Variants in GDPD5 observed in about 807,000 individuals in gnomAD.
The protein encoded by GDPD5 is glycerophosphodiester phosphodiesterase domain containing 5, also known as glycerophosphodiester phosphodiesterase 2.
In GDPD5, 48 loss-of-function variants were observed where a neutral mutation model predicts 75.1. The observed-to-expected ratio is 0.64, with a 90% CI of 0.51 to 0.81. The LOEUF (loss-of-function observed/expected upper bound fraction) is 0.81, where lower values mean the gene tolerates loss of function less well. GDPD5 is among the 40% of genes least tolerant of loss of function. GDPD5 has a pLI of 0.00. For missense variants in GDPD5, 706 were observed against 822.6 expected (o/e 0.86, Z 1.73); for synonymous variants, 336 against 339.0 (o/e 0.99, Z 0.10).
At chr11:75,495,223 C>T (rs912278308) in intron 1 of GDPD5, among the ~76,000 whole-genome samples, 7 of 151,538 alleles carry the variant, frequency 4.6e-5, no homozygotes, top group South Asian at 2.1e-4. Flanking sequence ...GCCAAGATTA[C>T]GCCCACTGCA....
At chr11:75,446,760 C>G (rs1258851072) in intron 9 of GDPD5, among the ~76,000 whole-genome samples, 1 of 152,150 alleles carries the variant, frequency 6.6e-6, no homozygotes, top group Non-Finnish European at 1.5e-5. Flanking sequence ...AGAGGGGACC[C>G]TTGCCAGCCC....
chr11:75,499,627 C>T (rs1950270747), intron 1 of GDPD5, among the ~76,000 whole-genome samples: 1 of 152,128 alleles, frequency 6.6e-6, no homozygotes, highest in Admixed American at 6.5e-5. Flanking sequence ...AGCTGATAGG[C>T]TTGGCTCCAT....
At chr11:75,441,132 C>G (rs1037740359) in intron 14 of GDPD5, 31 bp downstream of exon 14, 1 of 1,607,284 alleles carries the variant, frequency 6.2e-7, no homozygotes, top group African/African-American at 1.3e-5. Flanking sequence ...TCCAGCACTG[C>G]CCCCCAGGGG....
At chr11:75,458,673 A>AAATAAATAAAT in intron 4 of GDPD5, among the ~76,000 whole-genome samples, 1 of 147,324 alleles carries the variant, frequency 6.8e-6, no homozygotes, top group Non-Finnish European at 1.5e-5. Flanking sequence ...CTCTGTCTCA[A>AAATAAATAAAT]AAATAAATAA....
intron 1 of GDPD5, among the ~76,000 whole-genome samples, chr11:75,500,525 T>G (rs1950287332): frequency 6.6e-6 from 1 of 152,160 alleles, no homozygotes; most frequent in South Asian, 2.1e-4. Flanking sequence ...GCCTGAATGC[T>G]GCTGCTCTCA....
chr11:75,449,082 C>G lies in GDPD5; in HGVS notation c.609G>C (p.Val203=), dbSNP rs1177883044. ...VTILCTFFTV[V]FALYLAPLTI... is the part of the protein sequence containing the mutation. ...TGAGAGGGGCCAGGTAGAGGGCAAA[C>G]ACCACGGTGAAGAAGGTACAGAGAA... Residue 203 remains valine (V), a synonymous_variant, in exon 9 of 17, where the codon GTG becomes GTC. Transcript: ENST00000336898. The G allele has an allele frequency of 6.2e-7, 1 of 1,605,450 alleles. No homozygotes were observed. Among genetic ancestry groups the G allele is most frequent in the Non-Finnish European group, 8.5e-7 (1 of 1,176,604 alleles).
intron 1 of GDPD5, among the ~76,000 whole-genome samples, chr11:75,501,005 G>A (rs752915856): frequency 3.3e-5 from 5 of 152,214 alleles, no homozygotes; most frequent in Non-Finnish European, 5.9e-5. Flanking sequence ...AGCCACGCTA[G>A]TGTCCAACTG....
intron 1 of GDPD5, among the ~76,000 whole-genome samples, chr11:75,491,285 G>A (rs1251408186): frequency 1.3e-5 from 2 of 152,218 alleles, no homozygotes; most frequent in Admixed American, 6.5e-5. Flanking sequence ...ACAGTGCCCT[G>A]AATGTACAGC....
At chr11:75,478,401 C>T (rs189681102) in intron 2 of GDPD5, among the ~76,000 whole-genome samples, 18 of 152,352 alleles carry the variant, frequency 1.2e-4, no homozygotes, top group Admixed American at 6.5e-4. Context: ...CTGCCTCAGC[C>T]TCCCAAAGTG....
At chr11:75,466,764 G>A (rs370318502) in intron 3 of GDPD5, among the ~76,000 whole-genome samples, 4 of 152,160 alleles carry the variant, frequency 2.6e-5, no homozygotes, top group African/African-American at 9.7e-5. Flanking sequence ...CATGGCGGGC[G>A]GGTGTGTCCT....
intron 4 of GDPD5, among the ~76,000 whole-genome samples, chr11:75,458,840 G>A (rs1432892091): frequency 6.6e-6 from 1 of 152,094 alleles, no homozygotes; most frequent in Non-Finnish European, 1.5e-5. Context: ...TGGAGTGCAG[G>A]GATGCGAACA....
chr11:75,471,029 C>T (rs1014703909), intron 3 of GDPD5, among the ~76,000 whole-genome samples: 5 of 152,214 alleles, frequency 3.3e-5, no homozygotes, highest in Admixed American at 2.6e-4. Context: ...AGCACACGGT[C>T]CTACAGAGAC....
chr11:75,516,398 A>G (rs1342187111), intron 1 of GDPD5, among the ~76,000 whole-genome samples: 1 of 152,132 alleles, frequency 6.6e-6, no homozygotes, highest in African/African-American at 2.4e-5. Flanking sequence ...GGGTTGATGT[A>G]CCCTCTCTGG....
chr11:75,499,069 C>T (rs1950259971), intron 1 of GDPD5, among the ~76,000 whole-genome samples: 1 of 152,098 alleles, frequency 6.6e-6, no homozygotes, highest in African/African-American at 2.4e-5. Context: ...CCTAATGAGT[C>T]ACTGTCACAC....
intron 1 of GDPD5, among the ~76,000 whole-genome samples, chr11:75,502,131 C>T (rs1832454550): frequency 6.6e-6 from 1 of 152,216 alleles, no homozygotes; most frequent in South Asian, 2.1e-4. Context: ...ACCCTACACG[C>T]AAAACTTTTT....
chr11:75,495,034 G>A (rs557924509), intron 1 of GDPD5, among the ~76,000 whole-genome samples: 2 of 152,094 alleles, frequency 1.3e-5, no homozygotes, highest in South Asian at 2.1e-4. Context: ...TTGGGAGACC[G>A]AGGCGGGCAG....
chr11:75,483,591 G>A (rs909149380), intron 2 of GDPD5, among the ~76,000 whole-genome samples: 1 of 152,154 alleles, frequency 6.6e-6, no homozygotes, highest in Non-Finnish European at 1.5e-5. Flanking sequence ...ATGTGACCTT[G>A]GACAGGTCAC....
chr11:75,502,238 C>T (rs1417982763), intron 1 of GDPD5, among the ~76,000 whole-genome samples: 2 of 152,234 alleles, frequency 1.3e-5, no homozygotes, highest in African/African-American at 4.8e-5. Flanking sequence ...CAGGGACTCC[C>T]TTCTCCAGCT....
At chr11:75,507,321 T>C (rs889419932) in intron 1 of GDPD5, among the ~76,000 whole-genome samples, 8 of 152,190 alleles carry the variant, frequency 5.3e-5, no homozygotes, top group Non-Finnish European at 8.8e-5. Context: ...GCTTCAGAGA[T>C]CACTGCTCCC....
Sources: gnomAD v4.1 joint callset for allele counts (sites outside exome capture counted in the v4.1 genomes callset) on GRCh38, gnomAD v4.1.1 for gene constraint, MANE v1.5 for transcripts, NCBI Gene and HGNC (gene_info 2026-07-23, HGNC 2026-07-21) for gene names.